ALKAL1: variants seen among roughly 807,000 people sequenced by gnomAD.
ALKAL1 encodes AUG-beta.
Under a neutral mutation model 13.5 loss-of-function variants are expected in ALKAL1, and 23 were observed. That is an observed-to-expected ratio of 1.70 (90% CI 1.23 to 2.41). The LOEUF (loss-of-function observed/expected upper bound fraction) is 2.41. ALKAL1 is among the 30% of genes most tolerant of loss of function. The pLI, the probability that ALKAL1 is intolerant of heterozygous loss-of-function variation, is 0.00. For synonymous variants in ALKAL1, 85 were observed against 77.7 expected, an observed-to-expected ratio of 1.09 and a Z score of -0.49; for missense variants, 181 against 178.4, an observed-to-expected ratio of 1.01 and a Z score of -0.08.
intron 2 of ALKAL1, among the ~76,000 whole-genome samples, chr8:52,540,825 G>A (rs1001831901): frequency 6.6e-6 from 1 of 152,166 alleles, no homozygotes; most frequent in South Asian, 2.1e-4. Flanking sequence ...CGGTCATGTC[G>A]CTCACAACTG....
intron 2 of ALKAL1, among the ~76,000 whole-genome samples, chr8:52,541,775 T>C (rs1847315620): frequency 6.6e-6 from 1 of 152,020 alleles, no homozygotes. Flanking sequence ...ATAATAATAA[T>C]AAATAAATAT....
chr8:52,565,251 C>T lies in ALKAL1; in HGVS notation c.6G>A (p.Arg2=). 7.6e-7 allele frequency: 1 copy of T among 1,312,220 alleles called. No individual in the cohort carries two copies. The highest frequency in any genetic ancestry group is 9.8e-7 in the Non-Finnish European group (1 of 1,023,654). The allele number at this position is 1,312,220 out of a possible 1,614,324, so 81.3% of individuals were successfully genotyped here. ...GCAAAGGGGCGCCGGGCTTAAGGGGCCGCATGTTCGCAAGCCGGGAGGAGA... is the reference window on the plus strand; with the variant it reads ...GCAAAGGGGCGCCGGGCTTAAGGGGTCGCATGTTCGCAAGCCGGGAGGAGA... M[R]PLKPGAPLPA... Residue 2 remains arginine, a synonymous_variant, in exon 1 of 5, where the codon CGG becomes CGA. Transcript: ENST00000358543.
At chr8:52,544,200 C>T (rs1186844929) in intron 1 of ALKAL1, among the ~76,000 whole-genome samples, 1 of 152,060 alleles carries the variant, frequency 6.6e-6, no homozygotes, top group Non-Finnish European at 1.5e-5. Flanking sequence ...AACATCAGTG[C>T]CTCCTTGTAC....
chr8:52,548,350 G>GAA (rs982990928), intron 1 of ALKAL1, among the ~76,000 whole-genome samples: 1 of 123,494 alleles, frequency 8.1e-6, no homozygotes. Flanking sequence ...CGTCTCAAAA[G>GAA]AAAAAAAAAA....
At chr8:52,540,323 T>G (rs1414831764) in intron 2 of ALKAL1, among the ~76,000 whole-genome samples, 1 of 152,216 alleles carries the variant, frequency 6.6e-6, no homozygotes, top group Non-Finnish European at 1.5e-5. Context: ...TTTATTCCAT[T>G]TTCTAATTAT....
chr8:52,558,905 G>T (rs776314421), intron 1 of ALKAL1, among the ~76,000 whole-genome samples: 33 of 152,102 alleles, frequency 2.2e-4, no homozygotes, highest in Non-Finnish European at 2.9e-5. Context: ...CTCAAGATTG[G>T]GCATCGGCAG....
chr8:52,540,626 C>T (rs188308319), intron 2 of ALKAL1, among the ~76,000 whole-genome samples: 25 of 152,250 alleles, frequency 1.6e-4, no homozygotes, highest in Admixed American at 1.6e-3. Flanking sequence ...ACCTCAGTTA[C>T]TCTAGAGCCT....
At chr8:52,556,982 A>G (rs1847490762) in intron 1 of ALKAL1, among the ~76,000 whole-genome samples, 1 of 152,198 alleles carries the variant, frequency 6.6e-6, no homozygotes, top group South Asian at 2.1e-4. Context: ...TTGTTTTTAA[A>G]TCTGTTAGAG....
intron 4 of ALKAL1, 102 bp downstream of exon 4, chr8:52,538,329 A>C (rs1263419847): frequency 2.9e-6 from 2 of 701,692 alleles, no homozygotes; most frequent in Non-Finnish European, 5.0e-6. Flanking sequence ...GTACCCCATA[A>C]ATATGTACAA....
intron 1 of ALKAL1, among the ~76,000 whole-genome samples, chr8:52,564,652 C>T (rs1184459572): frequency 6.6e-6 from 1 of 152,192 alleles, no homozygotes; most frequent in Admixed American, 6.5e-5. Context: ...AGGGGCATTC[C>T]TGGCACGGTC....
intron 4 of ALKAL1, among the ~76,000 whole-genome samples, chr8:52,536,551 G>A (rs150370292): frequency 2.0e-5 from 3 of 152,280 alleles, no homozygotes; most frequent in African/African-American, 7.2e-5. Flanking sequence ...CTCTTGTAAA[G>A]TAATAGGCTA....
intron 1 of ALKAL1, among the ~76,000 whole-genome samples, chr8:52,551,441 T>C (rs989526263): frequency 1.2e-4 from 18 of 151,448 alleles, no homozygotes; most frequent in Non-Finnish European, 2.4e-4. Flanking sequence ...ACAACAGGCA[T>C]GCCACCATGC....
At chr8:52,552,212 C>T (rs886423828) in intron 1 of ALKAL1, among the ~76,000 whole-genome samples, 5 of 152,140 alleles carry the variant, frequency 3.3e-5, no homozygotes, top group Non-Finnish European at 5.9e-5. Context: ...TGAGATTTGC[C>T]TGATGTTTTC....
intron 1 of ALKAL1, among the ~76,000 whole-genome samples, chr8:52,551,438 GC>G (rs2150346254): frequency 6.6e-6 from 1 of 151,488 alleles, no homozygotes; most frequent in Admixed American, 6.6e-5. Flanking sequence ...AGGACAACAG[GC>G]ATGCCACCAT....
chr8:52,565,060 A>G lies in ALKAL1; in HGVS notation c.190+7T>C. 1 of 1,387,438 alleles carries G rather than the reference A, an allele frequency of 7.2e-7. No individual in the cohort carries two copies. Among genetic ancestry groups the G allele is most frequent in the Non-Finnish European group, 9.4e-7 (1 of 1,068,868 alleles). 85.9% of individuals were successfully genotyped at this position (1,387,438 alleles called of 1,614,324 possible). A position where few individuals can be genotyped will look rare whatever the true frequency, so the allele number is the denominator to read the frequency against. On this transcript the variant is annotated splice_region_variant and intron_variant, in intron 1 of 4. Transcript: ENST00000358543. ...GCAAAGGATGGGGCGGGATGGGGAC[A>G]TCGTACCTGCGCTCCGGGAGCCGCT...
chr8:52,535,810 G>A (rs1342208836), intron 4 of ALKAL1, among the ~76,000 whole-genome samples: 1 of 152,182 alleles, frequency 6.6e-6, no homozygotes, highest in African/African-American at 2.4e-5. Context: ...GATTGTCTCA[G>A]TAATTGTCAC....
intron 4 of ALKAL1, among the ~76,000 whole-genome samples, chr8:52,537,068 T>C (rs1029135613): frequency 6.6e-6 from 1 of 152,168 alleles, no homozygotes; most frequent in African/African-American, 2.4e-5. Flanking sequence ...AGAAAAGATT[T>C]GCAAACCATT....
Position 52,565,262 on chromosome 8 carries a change from C to T in ALKAL1, c.-6G>A. 1 of 1,304,902 alleles carries T rather than the reference C, an allele frequency of 7.7e-7. No individual in the cohort carries two copies. Among genetic ancestry groups the T allele is most frequent in the Non-Finnish European group, 9.8e-7 (1 of 1,018,686 alleles). The allele number at this position is 1,304,902 out of a possible 1,614,324, so 80.8% of individuals were successfully genotyped here. A position where few individuals can be genotyped will look rare whatever the true frequency, so the allele number is the denominator to read the frequency against. On this transcript the variant is annotated 5_prime_UTR_variant, in exon 1 of 5. Transcript: ENST00000358543. ...CCGGGCTTAAGGGGCCGCATGTTCG[C>T]AAGCCGGGAGGAGAGAGCGGGAGAC...
rs752393099 is a variant in ALKAL1, at chr8:52,539,910, C to T, written c.246G>A (p.Gly82=). 13 of 1,610,460 alleles carry T rather than the reference C, an allele frequency of 8.1e-6. No individual in the cohort carries two copies. Among genetic ancestry groups the T allele is most frequent in the African/African-American group, 1.4e-5 (1 of 73,662 alleles). Residue 82 remains glycine, a splice_region_variant and synonymous_variant, in exon 3 of 5, where the codon GGG becomes GGA. Transcript: ENST00000358543. The part of the protein sequence containing the change: ...LKDKFIKHFT[G]PVTFSPECSK... ...TGCATTCTGGTGAAAATGTGACCGGCCCTAGAGCACAGGAAAAGAATGCTT... is the reference window on the plus strand; with the variant it reads ...TGCATTCTGGTGAAAATGTGACCGGTCCTAGAGCACAGGAAAAGAATGCTT...
Sources: gnomAD v4.1 joint callset for allele counts (sites outside exome capture counted in the v4.1 genomes callset) on GRCh38, gnomAD v4.1.1 for gene constraint, MANE v1.5 for transcripts, NCBI Gene and HGNC (gene_info 2026-07-23, HGNC 2026-07-21) for gene names.